DDAH1: variants seen among roughly 807,000 people sequenced by gnomAD.
DDAH1 encodes N(G),N(G)-dimethylarginine dimethylaminohydrolase 1.
DDAH1 carries 19 observed loss-of-function variants against 28.8 expected under a neutral mutation model. The ratio of observed to expected loss-of-function variants is 0.66; its 90% CI spans 0.46 to 0.97. The LOEUF (loss-of-function observed/expected upper bound fraction) is 0.97, where lower values mean the gene tolerates loss of function less well. Among genes scored for constraint, DDAH1 ranks in the 50% least tolerant of loss-of-function variants. The pLI is 0.00. For missense variants in DDAH1, 326 were observed against 375.9 expected (o/e 0.87, Z 1.10); for synonymous variants, 153 against 154.4 (o/e 0.99, Z 0.07).
At chr1:85,446,190 T>C (rs1654418191) in intron 1 of DDAH1, among the ~76,000 whole-genome samples, 1 of 152,212 alleles carries the variant, frequency 6.6e-6, no homozygotes, top group Non-Finnish European at 1.5e-5. Context: ...GTAAGAGGTT[T>C]AATTGACTCA....
intron 1 of DDAH1, among the ~76,000 whole-genome samples, chr1:85,439,736 G>A (rs72724637): frequency 9.5e-4 from 144 of 152,302 alleles, no homozygotes; most frequent in Non-Finnish European, 1.9e-3. Context: ...GCTGGAAACT[G>A]TCAAAGTGAA....
At chr1:85,356,851 G>C (rs1249531066) in intron 2 of DDAH1, among the ~76,000 whole-genome samples, 1 of 152,220 alleles carries the variant, frequency 6.6e-6, no homozygotes, top group Non-Finnish European at 1.5e-5. Flanking sequence ...GACTCCTAGT[G>C]TAAGTTGCAC....
chr1:85,441,791 G>A (rs2100653871), intron 1 of DDAH1, among the ~76,000 whole-genome samples: 1 of 152,150 alleles, frequency 6.6e-6, no homozygotes, highest in East Asian at 1.9e-4. Context: ...CTTTATGTTT[G>A]CCATACAGCA....
chr1:85,464,668 C>A lies in DDAH1; in HGVS notation c.303+75G>T. The A allele has an allele frequency of 6.9e-7, 1 of 1,439,814 alleles. No individual in the cohort carries two copies. Among genetic ancestry groups the A allele is most frequent in the South Asian group, 1.4e-5 (1 of 69,636 alleles). The allele number at this position is 1,439,814 out of a possible 1,614,324, so 89.2% of individuals were successfully genotyped here. Reference sequence around the variant, plus strand: ...GCCCGAGGGCCAATGGCGCGACTCCCCAGGCAACACGGCGGCCGGCGGCGG... The same window carrying A: ...GCCCGAGGGCCAATGGCGCGACTCCACAGGCAACACGGCGGCCGGCGGCGG... On this transcript the variant is annotated intron_variant, in intron 1 of 5. Transcript: ENST00000284031. This position sits in a 1 kb window ranked among gnomAD's most constrained non-coding sequence, Gnocchi z 4.4.
chr1:85,540,581 T>C (rs1658442235), intron 1 of DDAH1, among the ~76,000 whole-genome samples: 1 of 152,190 alleles, frequency 6.6e-6, no homozygotes. Flanking sequence ...TTCACACATC[T>C]TTGTACAACT....
rs372838566 is a variant in DDAH1 at position 85,520,266 on chromosome 1, C to T, written c.-122-23985G>A. ...GTGTTACATCCTGTACTTTTCTGTG[C>T]ATATAAAATATTTTGAATATTTGTT... On this transcript the variant is annotated intron_variant, in intron 1 of 6. Coordinates refer to the DDAH1 transcript ENST00000426972. 1.5e-3 allele frequency among the ~76,000 whole-genome samples: 229 copies of T among 152,242 alleles called. 1 individual carries two copies. Among genetic ancestry groups the T allele is most frequent in the African/African-American group, 5.3e-3 (219 of 41,536 alleles).
intron 1 of DDAH1, among the ~76,000 whole-genome samples, chr1:85,561,102 T>C (rs1570676269): frequency 6.6e-6 from 1 of 152,130 alleles, no homozygotes; most frequent in African/African-American, 2.4e-5. Flanking sequence ...TAGACTTTAG[T>C]ATCTGACTAT....
intron 1 of DDAH1, among the ~76,000 whole-genome samples, chr1:85,463,535 G>C (rs1200532331): frequency 6.6e-6 from 1 of 152,212 alleles, no homozygotes; most frequent in Non-Finnish European, 1.5e-5. Flanking sequence ...GGCTAGCAGA[G>C]ATCTGTTACT....
chr1:85,341,848 A>C (rs1054389813), intron 4 of DDAH1, among the ~76,000 whole-genome samples: 6 of 151,922 alleles, frequency 3.9e-5, no homozygotes, highest in Non-Finnish European at 7.4e-5. Context: ...AAAACAAAAA[A>C]AAACCCCAGA....
intron 2 of DDAH1, among the ~76,000 whole-genome samples, chr1:85,491,046 CT>C (rs5775843): frequency 0.18 from 22,723 of 125,018 alleles, 2,305 homozygotes; most frequent in African/African-American, 0.22. Context: ...AACATGTATT[CT>C]TTTTTTTTTT....
chr1:85,537,237 G>A (rs767476412), intron 1 of DDAH1, among the ~76,000 whole-genome samples: 2 of 151,432 alleles, frequency 1.3e-5, no homozygotes, highest in East Asian at 3.9e-4. Context: ...AGGAGGTTGA[G>A]GTCGGAGGAT....
At chr1:85,452,964 A>G (rs1009951858) in intron 1 of DDAH1, among the ~76,000 whole-genome samples, 1 of 152,212 alleles carries the variant, frequency 6.6e-6, no homozygotes, top group African/African-American at 2.4e-5. Flanking sequence ...CTGTTAGAAA[A>G]CTGATTTTAT....
chr1:85,476,461 T>C (rs1437305122), intron 2 of DDAH1, among the ~76,000 whole-genome samples: 1 of 152,158 alleles, frequency 6.6e-6, no homozygotes, highest in East Asian at 1.9e-4. Flanking sequence ...ACATCTCTAG[T>C]GCCTCAGTGT....
chr1:85,426,852 C>T lies in DDAH1; in HGVS notation c.303+37891G>A, dbSNP rs1031648913. On this transcript the variant is annotated intron_variant, in intron 1 of 5. Coordinates refer to ENST00000284031, the MANE Select transcript of DDAH1 (RefSeq NM_012137.4). ...GCTTAACCCCAGGAGTTTGAGGCTG[C>T]AGTGAGCCATAATGTGCCACTGCAT... Among the ~76,000 whole-genome samples, 6 of 136,046 alleles carry T rather than the reference C, an allele frequency of 4.4e-5. No homozygotes were observed. The Admixed American group carries it at 5.2e-4, about 12-fold the overall frequency. The allele number at this position is 136,046 out of a possible 152,430, so 89.3% of individuals were successfully genotyped here.
At chr1:85,569,971 C>A (rs1250117690) in intron 1 of DDAH1, among the ~76,000 whole-genome samples, 3 of 152,182 alleles carry the variant, frequency 2.0e-5, no homozygotes, top group Admixed American at 6.5e-5. Context: ...CAGAATGTGA[C>A]CCTCCCCTCC....
At chr1:85,574,545 C>T (rs565568443) in intron 1 of DDAH1, among the ~76,000 whole-genome samples, 1 of 152,306 alleles carries the variant, frequency 6.6e-6, no homozygotes, top group East Asian at 1.9e-4. Flanking sequence ...CCAGATTAGT[C>T]GTTCCCCCTA....
chr1:85,349,538 C>T (rs1649070579), intron 4 of DDAH1, among the ~76,000 whole-genome samples: 1 of 152,194 alleles, frequency 6.6e-6, no homozygotes, highest in South Asian at 2.1e-4. Context: ...GGCTGCAGTC[C>T]TGACCCACCA....
At chr1:85,355,837 A>G (rs1649460753) in intron 2 of DDAH1, among the ~76,000 whole-genome samples, 1 of 152,194 alleles carries the variant, frequency 6.6e-6, no homozygotes. Flanking sequence ...CTACAGCTAC[A>G]CACATCAACT....
At chr1:85,570,411 T>TCTAA (rs2100565038) in intron 1 of DDAH1, among the ~76,000 whole-genome samples, 1 of 149,066 alleles carries the variant, frequency 6.7e-6, no homozygotes, top group South Asian at 2.1e-4. Flanking sequence ...AGTGCACTTA[T>TCTAA]CTAACACCTT....
Sources: gnomAD v4.1 joint callset for allele counts (sites outside exome capture counted in the v4.1 genomes callset) on GRCh38, gnomAD v4.1.1 for gene constraint, Gnocchi (gnomAD v3.1) non-coding constraint, MANE v1.5 for transcripts, NCBI Gene and HGNC (gene_info 2026-07-23, HGNC 2026-07-21) for gene names.